The following CUBN variants were observed in gnomAD, a reference collection of about 807,000 sequenced individuals.
The protein encoded by CUBN is cubilin.
CUBN carries 282 observed loss-of-function variants against 405.3 expected under a neutral mutation model. That is an observed-to-expected ratio of 0.70 (90% CI 0.63 to 0.77). The LOEUF is 0.77. Among genes scored for constraint, CUBN ranks in the 30% least tolerant of loss-of-function variants. The pLI, the probability that CUBN is intolerant of heterozygous loss-of-function variation, is 0.00. For missense variants in CUBN, 4,514 were observed against 4,475.2 expected (o/e 1.01, Z -0.25); for synonymous variants, 1,684 against 1,617.0 (o/e 1.04, Z -0.99).
At chr10:16,905,107 C>T (rs1841519872) in intron 50 of CUBN, among the ~76,000 whole-genome samples, 1 of 152,222 alleles carries the variant, frequency 6.6e-6, no homozygotes, top group Non-Finnish European at 1.5e-5. Context: ...GCTTCTGCTG[C>T]TTTCAGCCTC....
intron 27 of CUBN, among the ~76,000 whole-genome samples, chr10:17,029,375 C>T (rs1834740673): frequency 6.6e-6 from 1 of 152,188 alleles, no homozygotes; most frequent in African/African-American, 2.4e-5. Flanking sequence ...TAAAAAATCA[C>T]ATTTTACTCA....
intron 31 of CUBN, among the ~76,000 whole-genome samples, chr10:16,961,707 T>C (rs1040137554): frequency 3.3e-4 from 2 of 5,972 alleles, no homozygotes; most frequent in Non-Finnish European, 1.2e-3. Flanking sequence ...GCAATCCCTT[T>C]TTTTTTTTTT....
intron 4 of CUBN, among the ~76,000 whole-genome samples, chr10:17,126,001 A>G (rs1837174382): frequency 6.6e-6 from 1 of 152,216 alleles, no homozygotes; most frequent in African/African-American, 2.4e-5. Flanking sequence ...AATCTGCATG[A>G]GTCCTTTTTT....
chr10:16,933,249 G>A lies in CUBN; in HGVS notation c.5962C>T (p.Pro1988Ser), dbSNP rs142570571. 2.8e-5 allele frequency: 45 copies of A among 1,613,776 alleles called. No individual in the cohort carries two copies. Among genetic ancestry groups the A allele is most frequent in the Non-Finnish European group, 3.6e-5 (43 of 1,179,964 alleles). The stretch of plus-strand genomic sequence containing the variant: ...CAGCCCGGGGAGAAGAGAAACACGG[G>A]TGCATCTCCCGTCCTCAGGAAGCCA... The part of the protein sequence containing the change: ...CGGFLRTGDA[P>S]VFLFSPGWPD... Residue 1988 changes from proline (P) to serine (S), a missense_variant, in exon 40 of 67, where the codon CCC becomes TCC. Transcript: ENST00000377833.
chr10:17,057,721 G>C (rs1408273132), intron 22 of CUBN, among the ~76,000 whole-genome samples: 1 of 151,968 alleles, frequency 6.6e-6, no homozygotes, highest in Non-Finnish European at 1.5e-5. Context: ...CAGGTGAACA[G>C]ATAATCAAAT....
In CUBN at chr10:17,087,936, G is replaced by C. The variant is rs115946631; in HGVS notation, c.1947+228C>G. Among the ~76,000 whole-genome samples, 1,326 of 152,248 alleles carry C rather than the reference G, an allele frequency of 8.7e-3. 17 individuals carry two copies. The highest frequency in any genetic ancestry group is 0.031 in the African/African-American group (1,278 of 41,542). ...GTGTGAGCTTCCAGGTAACACCATA[G>C]CAGGGCAAGGTAATCTGTTTCCCAG... On this transcript the variant is annotated intron_variant, in intron 15 of 66. Coordinates refer to ENST00000377833, the MANE Select transcript of CUBN (RefSeq NM_001081.4).
intron 64 of CUBN, 74 bp downstream of exon 64, chr10:16,834,940 T>A: frequency 7.4e-7 from 1 of 1,355,062 alleles, no homozygotes; most frequent in Non-Finnish European, 1.1e-6. Context: ...CAGCACTAGA[T>A]AAAAGGTGTA....
In CUBN at chr10:16,851,343, A is replaced by C. The variant is rs746114034; in HGVS notation, c.9555T>G (p.Cys3185Trp). 15 of 1,614,100 alleles carry C rather than the reference A, an allele frequency of 9.3e-6. No homozygotes were observed. In the Admixed American group the frequency reaches 1.7e-4, roughly 18 times the overall value. ...TTACAGGTGCAATTATGATCCATAC[A>C]CAGTTTAAATTCTTGTCATACATTC... Reference protein sequence around the residue: ...SNGMYDKNLNCVWIIIAPVNK... With the variant: ...SNGMYDKNLNWVWIIIAPVNK... Residue 3185 changes from cysteine (C) to tryptophan (W), a missense_variant, in exon 60 of 67, where the codon TGT (cysteine) becomes TGG (tryptophan). Transcript: ENST00000377833.
intron 27 of CUBN, among the ~76,000 whole-genome samples, chr10:17,037,928 C>A (rs923754049): frequency 1.4e-5 from 2 of 146,612 alleles, no homozygotes; most frequent in Admixed American, 1.4e-4. Flanking sequence ...CCTTGGCTCC[C>A]ATGACACAGT....
At chr10:16,837,883 C>T (rs1371461335) in intron 62 of CUBN, among the ~76,000 whole-genome samples, 3 of 152,186 alleles carry the variant, frequency 2.0e-5, no homozygotes, top group Non-Finnish European at 1.5e-5. Context: ...GCTCCAGCTG[C>T]TGTTATGTTT....
intron 33 of CUBN, among the ~76,000 whole-genome samples, chr10:16,951,234 G>C (rs909492516): frequency 2.0e-5 from 3 of 152,088 alleles, no homozygotes; most frequent in Non-Finnish European, 4.4e-5. Context: ...AACTTTCTTT[G>C]GGGCTCCACC....
At position 17,077,673 on chromosome 10, in the gene CUBN, A is replaced by T. The variant is rs75509117; in HGVS notation, c.2302-5702T>A. Among the ~76,000 whole-genome samples, 1,170 of 152,266 alleles carry T rather than the reference A, an allele frequency of 7.7e-3. 14 individuals carry two copies. The highest frequency in any genetic ancestry group is 0.026 in the African/African-American group (1,079 of 41,556). ...TTTCTGTGAAGTGAGCTTCAGGCTG[A>T]CATACATCTTAGCTAAGTAAAGACT... On this transcript the variant is annotated intron_variant, in intron 17 of 66. Coordinates refer to ENST00000377833, the MANE Select transcript of CUBN (RefSeq NM_001081.4).
intron 28 of CUBN, among the ~76,000 whole-genome samples, chr10:16,990,820 A>G (rs1833562814): frequency 6.6e-6 from 1 of 152,112 alleles, no homozygotes. Context: ...CTAATTTTAG[A>G]TTTTCTTTAT....
At chr10:17,061,671 A>G (rs1487462297) in intron 22 of CUBN, among the ~76,000 whole-genome samples, 2 of 152,184 alleles carry the variant, frequency 1.3e-5, no homozygotes, top group Non-Finnish European at 2.9e-5. Context: ...GGAGGCCAAG[A>G]AAGCCCAGTA....
intron 56 of CUBN, among the ~76,000 whole-genome samples, chr10:16,881,131 A>G (rs995503058): frequency 2.0e-5 from 3 of 152,238 alleles, no homozygotes; most frequent in Non-Finnish European, 4.4e-5. Context: ...TTTAGCAACA[A>G]TATATCAAGT....
intron 27 of CUBN, among the ~76,000 whole-genome samples, chr10:17,023,210 G>A (rs12258732): frequency 0.26 from 38,979 of 151,040 alleles, 5,352 homozygotes; most frequent in African/African-American, 0.34. Context: ...GGGGTGGAGG[G>A]GCTAGGCAGT....
In CUBN at chr10:16,878,152, G is replaced by A. The variant is rs536005288; in HGVS notation, c.8906-1055C>T. 4.6e-5 allele frequency among the ~76,000 whole-genome samples: 7 copies of A among 152,272 alleles called. No homozygotes were observed. In the East Asian group the frequency reaches 5.8e-4, roughly 13 times the overall value. ...AAAATACAAAAATTAGTCAGGTGTG[G>A]TGGTGCGCGCCTGTAGTCCCAGCTA... is the stretch of plus-strand genomic sequence containing the variant. On this transcript the variant is annotated intron_variant, in intron 56 of 66. Coordinates refer to ENST00000377833, the MANE Select transcript of CUBN (RefSeq NM_001081.4).
intron 64 of CUBN, among the ~76,000 whole-genome samples, chr10:16,833,266 G>A (rs920550480): frequency 2.7e-5 from 4 of 150,152 alleles, no homozygotes; most frequent in African/African-American, 7.6e-5. Flanking sequence ...TCTCCATGGT[G>A]GGGGAGGTAC....
At chr10:16,952,410 C>T (rs776776222) in intron 32 of CUBN, 21 bp from the exon 33 acceptor site, 2 of 1,284,342 alleles carry the variant, frequency 1.6e-6, no homozygotes, top group East Asian at 4.6e-5. Context: ...CACAAACACA[C>T]ATACATGTCA....
Sources: allele counts gnomAD v4.1 joint callset (sites outside exome capture counted in the v4.1 genomes callset), GRCh38; gene constraint gnomAD v4.1.1; transcripts MANE v1.5; gene names NCBI Gene and HGNC (gene_info 2026-07-23, HGNC 2026-07-21).